Variants in CCDC83 observed in about 807,000 individuals in gnomAD.
CCDC83 encodes the protein coiled-coil domain containing 83.
A neutral mutation model predicts 50.1 loss-of-function variants in CCDC83; 54 were observed. The ratio of observed to expected loss-of-function variants is 1.08; its 90% CI spans 0.87 to 1.35. The LOEUF (loss-of-function observed/expected upper bound fraction) is 1.35, where lower values mean the gene tolerates loss of function less well. Ranked by LOEUF, CCDC83 falls within the 40% of genes most tolerant of loss-of-function variation. CCDC83 has a pLI of 0.00. For synonymous variants in CCDC83, 161 were observed against 153.3 expected (o/e 1.05, Z -0.37); for missense variants, 518 against 473.9 (o/e 1.09, Z -0.86).
At chr11:85,865,321 A>G (rs1369541196) in intron 2 of CCDC83, 103 bp downstream of exon 2, 5 of 746,492 alleles carry the variant, frequency 6.7e-6, no homozygotes, top group Non-Finnish European at 1.2e-5. Flanking sequence ...GCAGCTGCCA[A>G]AAGAATAGAG....
chr11:85,886,057 A>G (rs2093325262), intron 4 of CCDC83, 143 bp from the exon 5 acceptor site: 4 of 575,276 alleles, frequency 7.0e-6, no homozygotes, highest in Admixed American at 3.9e-5. Context: ...TGAATAGTTT[A>G]GAATTTCCTA....
intron 2 of CCDC83, among the ~76,000 whole-genome samples, chr11:85,872,952 A>G (rs1427147436): frequency 2.0e-5 from 3 of 152,122 alleles, no homozygotes; most frequent in South Asian, 4.1e-4. Context: ...ATAAACAATT[A>G]GAAAGTATAA....
chr11:85,862,708 ATCT>A (rs1482114491), intron 1 of CCDC83, among the ~76,000 whole-genome samples: 1 of 152,198 alleles, frequency 6.6e-6, no homozygotes, highest in African/African-American at 2.4e-5. Context: ...ACTGAGAGAA[ATCT>A]TCTGGGTGGT....
rs147910388 is a variant in CCDC83 at position 85,864,687 on chromosome 11, G to T, written c.-28-409G>T. On this transcript the variant is annotated intron_variant, in intron 1 of 10. Coordinates refer to ENST00000342404, the MANE Select transcript of CCDC83 (RefSeq NM_001286159.2). ...GGATCCTAGCTTCTTCGTGCTCATA[G>T]AAAATTGTAGTTTTGTTTTCATTTT... Among the ~76,000 whole-genome samples the T allele has an allele frequency of 1.1e-3, 168 of 152,244 alleles. 1 individual carries two copies. In the East Asian group the frequency reaches 0.03, roughly 27 times the overall value.
intron 7 of CCDC83, among the ~76,000 whole-genome samples, chr11:85,899,444 C>T (rs1000091733): frequency 6.6e-6 from 1 of 152,188 alleles, no homozygotes; most frequent in Non-Finnish European, 1.5e-5. Context: ...TTGTGAGGTA[C>T]TGTACTGTTT....
chr11:85,917,130 A>AGAGAGAGAGAGAGAGAGAGAG (rs1565159796), intron 10 of CCDC83, among the ~76,000 whole-genome samples: 1 of 69,526 alleles, frequency 1.4e-5, no homozygotes, highest in African/African-American at 7.0e-5. Flanking sequence ...AAAAAAGAAA[A>AGAGAGAGAGAGAGAGAGAGAG]AGAAAGAGAG....
chr11:85,911,243 A>G, intron 7 of CCDC83, 38 bp from the exon 8 acceptor site: 1 of 1,490,406 alleles, frequency 6.7e-7, no homozygotes, highest in African/African-American at 1.4e-5. Flanking sequence ...GAACTGAATC[A>G]ATAAGTACCA....
chr11:85,862,402 G>A (rs957175859), intron 1 of CCDC83, among the ~76,000 whole-genome samples: 2 of 152,182 alleles, frequency 1.3e-5, no homozygotes, highest in Non-Finnish European at 2.9e-5. Flanking sequence ...TCACATGCTG[G>A]ATGAAGATCT....
At chr11:85,877,986 T>C (rs1177156844) in intron 3 of CCDC83, among the ~76,000 whole-genome samples, 1 of 152,200 alleles carries the variant, frequency 6.6e-6, no homozygotes, top group East Asian at 1.9e-4. Flanking sequence ...TTCAATTTAT[T>C]TATAAGCAAA....
intron 4 of CCDC83, among the ~76,000 whole-genome samples, chr11:85,883,271 AG>A: frequency 6.6e-6 from 1 of 152,032 alleles, no homozygotes; most frequent in South Asian, 2.1e-4. Flanking sequence ...TACTCATAGT[AG>A]GGTTTTGTTC....
At chr11:85,879,790 T>A (rs1372853227) in intron 3 of CCDC83, among the ~76,000 whole-genome samples, 1 of 152,202 alleles carries the variant, frequency 6.6e-6, no homozygotes, top group Non-Finnish European at 1.5e-5. Context: ...CGGCTAATTT[T>A]GTATTTTTAA....
chr11:85,863,733 A>G (rs2093191060), intron 1 of CCDC83, among the ~76,000 whole-genome samples: 1 of 152,208 alleles, frequency 6.6e-6, no homozygotes. Context: ...AAATCAATGA[A>G]GGTTGACAAC....
At chr11:85,881,286 T>A (rs951534696) in intron 3 of CCDC83, among the ~76,000 whole-genome samples, 2 of 151,526 alleles carry the variant, frequency 1.3e-5, no homozygotes, top group African/African-American at 4.9e-5. Context: ...GGCAGGAGAA[T>A]CGCTTGAACC....
chr11:85,902,414 G>GA (rs2093406441), intron 7 of CCDC83, among the ~76,000 whole-genome samples: 2 of 152,140 alleles, frequency 1.3e-5, no homozygotes, highest in African/African-American at 4.8e-5. Context: ...CTGATGAAGA[G>GA]AAAAACAGGA....
chr11:85,892,636 T>A (rs1467532826), intron 5 of CCDC83, among the ~76,000 whole-genome samples: 1 of 152,250 alleles, frequency 6.6e-6, no homozygotes, highest in East Asian at 1.9e-4. Context: ...CCAGGTTTTA[T>A]GGTTTCTTTT....
At chr11:85,895,723 T>C (rs2135081878) in intron 6 of CCDC83, among the ~76,000 whole-genome samples, 1 of 152,342 alleles carries the variant, frequency 6.6e-6, no homozygotes, top group Middle Eastern at 3.4e-3. Context: ...AAATGGAGAA[T>C]AATACCAGTA....
intron 3 of CCDC83, among the ~76,000 whole-genome samples, chr11:85,876,166 T>C (rs2093268063): frequency 6.6e-6 from 1 of 152,194 alleles, no homozygotes; most frequent in Non-Finnish European, 1.5e-5. Context: ...CCTAGACCCA[T>C]CCCTTAATTA....
chr11:85,869,642 C>T (rs1233827153), intron 2 of CCDC83, among the ~76,000 whole-genome samples: 1 of 152,182 alleles, frequency 6.6e-6, no homozygotes, highest in South Asian at 2.1e-4. Flanking sequence ...AGTGCCATAA[C>T]CTTTTCAAAC....
At chr11:85,902,802 A>G (rs2093408098) in intron 7 of CCDC83, among the ~76,000 whole-genome samples, 3 of 152,194 alleles carry the variant, frequency 2.0e-5, no homozygotes, top group African/African-American at 7.2e-5. Flanking sequence ...TCTGGCAGTC[A>G]GCCCTGCAGA....
Sources: gnomAD v4.1 joint callset for allele counts (sites outside exome capture counted in the v4.1 genomes callset) on GRCh38, gnomAD v4.1.1 for gene constraint, MANE v1.5 for transcripts, NCBI Gene and HGNC (gene_info 2026-07-23, HGNC 2026-07-21) for gene names.